Variants in LRCH1 observed in about 807,000 individuals in gnomAD.
The protein encoded by LRCH1 is leucine rich repeats and calponin homology domain containing 1.
In LRCH1, 23 loss-of-function variants were observed where a neutral mutation model predicts 94.9. The ratio of observed to expected loss-of-function variants is 0.24; its 90% CI spans 0.17 to 0.34. LRCH1 has a LOEUF of 0.34. LRCH1 is among the 10% of genes least tolerant of loss of function. The pLI is 1.00. For synonymous variants in LRCH1, 364 were observed against 354.9 expected (o/e 1.03, Z -0.29); for missense variants, 790 against 945.9 (o/e 0.84, Z 2.16).
chr13:46,661,908 T>G (rs992011054), intron 2 of LRCH1, among the ~76,000 whole-genome samples: 2 of 152,134 alleles, frequency 1.3e-5, no homozygotes, highest in African/African-American at 4.8e-5. Context: ...GGGAAAGATG[T>G]TAAAGTAAAA....
intron 2 of LRCH1, among the ~76,000 whole-genome samples, chr13:46,664,486 A>G (rs2051489768): frequency 6.6e-6 from 1 of 152,222 alleles, no homozygotes. Flanking sequence ...CGTGTTGTAC[A>G]GGTTTGTAGC....
At chr13:46,656,062 C>T (rs2051366345) in intron 2 of LRCH1, among the ~76,000 whole-genome samples, 1 of 152,190 alleles carries the variant, frequency 6.6e-6, no homozygotes, top group South Asian at 2.1e-4. Context: ...TTCTTTTCGG[C>T]TGCTGAACAA....
At chr13:46,655,876 C>T (rs1394506324) in intron 2 of LRCH1, among the ~76,000 whole-genome samples, 1 of 152,166 alleles carries the variant, frequency 6.6e-6, no homozygotes, top group Non-Finnish European at 1.5e-5. Flanking sequence ...TTTTACTTTT[C>T]TAGGGTGAAA....
At chr13:46,668,193 A>C (rs2051546772) in intron 2 of LRCH1, among the ~76,000 whole-genome samples, 1 of 152,102 alleles carries the variant, frequency 6.6e-6, no homozygotes, top group Non-Finnish European at 1.5e-5. Context: ...CTGACATATA[A>C]ATAAGGATGG....
chr13:46,710,523 T>A (rs940295007), intron 13 of LRCH1, among the ~76,000 whole-genome samples: 1 of 152,196 alleles, frequency 6.6e-6, no homozygotes, highest in Non-Finnish European at 1.5e-5. Flanking sequence ...TACATAAATA[T>A]CGAACGGGGA....
chr13:46,711,877 T>A, intron 14 of LRCH1, 33 bp downstream of exon 14: 2 of 1,476,072 alleles, frequency 1.4e-6, no homozygotes, highest in Non-Finnish European at 1.9e-6. Flanking sequence ...GAAGGTGAGG[T>A]GTTTCTTGAT....
At chr13:46,673,747 T>TA (rs1491468751) in intron 3 of LRCH1, among the ~76,000 whole-genome samples, 1 of 750 alleles carries the variant, frequency 1.3e-3, no homozygotes, top group East Asian at 0.05. Context: ...CCAAATGGAA[T>TA]TTTTTTTTTT....
intron 1 of LRCH1, among the ~76,000 whole-genome samples, chr13:46,606,543 A>G (rs1424161720): frequency 6.6e-6 from 1 of 152,136 alleles, no homozygotes; most frequent in African/African-American, 2.4e-5. Flanking sequence ...AGAGGGGACA[A>G]GTCCATTGAA....
intron 2 of LRCH1, among the ~76,000 whole-genome samples, chr13:46,663,780 G>A (rs1400799034): frequency 6.6e-6 from 1 of 152,178 alleles, no homozygotes; most frequent in Non-Finnish European, 1.5e-5. Context: ...CCCTTGCTGA[G>A]ACTCAGTATT....
chr13:46,696,232 A>ACACACACACT (rs1421449764), intron 9 of LRCH1, among the ~76,000 whole-genome samples: 7 of 140,190 alleles, frequency 5.0e-5, no homozygotes, highest in African/African-American at 1.3e-4. Flanking sequence ...ACACACACAC[A>ACACACACACT]CTCTTTATAT....
At chr13:46,602,982 A>ACATACATC (rs911563025) in intron 1 of LRCH1, among the ~76,000 whole-genome samples, 1 of 45,124 alleles carries the variant, frequency 2.2e-5, no homozygotes, top group African/African-American at 5.4e-5. Context: ...ATGCATGCAT[A>ACATACATC]CATACATACA....
At chr13:46,696,781 T>G (rs184479368) in intron 9 of LRCH1, among the ~76,000 whole-genome samples, 1 of 152,334 alleles carries the variant, frequency 6.6e-6, no homozygotes, top group East Asian at 1.9e-4. Flanking sequence ...TCTTTCAACC[T>G]GTGCTTGGCC....
chr13:46,679,675 G>T (rs1349947615), intron 3 of LRCH1, among the ~76,000 whole-genome samples: 1 of 152,202 alleles, frequency 6.6e-6, no homozygotes, highest in Non-Finnish European at 1.5e-5. Flanking sequence ...GCAGTTGGGG[G>T]TGATGCTGCT....
At chr13:46,703,662 T>C (rs1259134390) in intron 11 of LRCH1, among the ~76,000 whole-genome samples, 1 of 152,182 alleles carries the variant, frequency 6.6e-6, no homozygotes, top group African/African-American at 2.4e-5. Context: ...TATATTATAC[T>C]CTTTGATAAG....
chr13:46,573,727 C>T, intron 1 of LRCH1, among the ~76,000 whole-genome samples: 1 of 149,798 alleles, frequency 6.7e-6, no homozygotes, highest in South Asian at 2.1e-4. Flanking sequence ...TGATGGTTAC[C>T]AGAGGATGGG....
intron 2 of LRCH1, among the ~76,000 whole-genome samples, chr13:46,667,537 GA>G (rs1162208687): frequency 6.6e-4 from 42 of 63,918 alleles, no homozygotes; most frequent in Non-Finnish European, 1.4e-3. Context: ...GGGGTGGGGG[GA>G]GGGGGGGAGG....
At chr13:46,711,990 A>G in intron 14 of LRCH1, 146 bp downstream of exon 14, 1 of 583,422 alleles carries the variant, frequency 1.7e-6, no homozygotes, top group Non-Finnish European at 3.0e-6. Flanking sequence ...ATTAGCTATC[A>G]TAGCTTTATC....
At chr13:46,660,034 C>CTTT (rs767544799) in intron 2 of LRCH1, among the ~76,000 whole-genome samples, 9 of 103,664 alleles carry the variant, frequency 8.7e-5, no homozygotes, top group African/African-American at 2.5e-4. Context: ...TTAGGAGTCA[C>CTTT]TTTTTTTTTT....
intron 1 of LRCH1, among the ~76,000 whole-genome samples, chr13:46,625,631 G>GTTTTTTTTTTTTTTTTTTTTTTTTTT (rs149512536): frequency 2.4e-5 from 3 of 126,264 alleles, no homozygotes; most frequent in Non-Finnish European, 3.3e-5. Flanking sequence ...AAATGTGTGG[G>GTTTTTTTTTTTTTTTTTTTTTTTTTT]GTTTTTTTTT....
Sources: gnomAD v4.1 joint callset for allele counts (sites outside exome capture counted in the v4.1 genomes callset) on GRCh38, gnomAD v4.1.1 for gene constraint, MANE v1.5 for transcripts, NCBI Gene and HGNC (gene_info 2026-07-23, HGNC 2026-07-21) for gene names.